The following ADCY5 variants were observed in gnomAD, a reference collection of about 807,000 sequenced individuals.
The protein encoded by ADCY5 is adenylate cyclase type 5.
ADCY5 carries 30 observed loss-of-function variants against 119.7 expected under a neutral mutation model. That is an observed-to-expected ratio of 0.25 (90% CI 0.19 to 0.34). The LOEUF (loss-of-function observed/expected upper bound fraction) is 0.34. ADCY5 is among the 10% of genes least tolerant of loss of function. The probability of loss-of-function intolerance (pLI) is 1.00; values close to 1 mark genes in which losing one functional copy is unlikely to be tolerated. For synonymous variants in ADCY5, 753 were observed against 762.2 expected, an observed-to-expected ratio of 0.99 and a Z score of 0.20; for missense variants, 1,324 against 1,775.2, an observed-to-expected ratio of 0.75 and a Z score of 4.57.
At chr3:123,436,814 T>C (rs1340687064) in intron 1 of ADCY5, among the ~76,000 whole-genome samples, 3 of 152,210 alleles carry the variant, frequency 2.0e-5, no homozygotes, top group Non-Finnish European at 4.4e-5. Context: ...GCACATGCTA[T>C]CAAATGGAAG....
chr3:123,342,840 C>A (rs1221506415), intron 3 of ADCY5, among the ~76,000 whole-genome samples: 8 of 152,310 alleles, frequency 5.3e-5, no homozygotes, highest in Admixed American at 5.2e-4. Flanking sequence ...CGTTCTCTGG[C>A]CCCTGAAACC....
chr3:123,296,268 G>T, intron 16 of ADCY5, 52 bp from the exon 17 acceptor site: 1 of 1,586,514 alleles, frequency 6.3e-7, no homozygotes, highest in Non-Finnish European at 8.6e-7. Context: ...CTCACAGCGG[G>T]CTCTGAGGAC....
Position 123,296,132 on chromosome 3 carries a change from G to T in ADCY5, c.3015C>A (p.Ala1005=), listed in dbSNP as rs113525130. Residue 1005 remains alanine, a synonymous_variant, in exon 17 of 21, where the codon GCC becomes GCA. Transcript: ENST00000462833. ...GGCGGGCAGTGGACTCCACCTGCTG[G>T]GCGTGCAGGTACAGGGCCAGCACAA... ...SVFVLALYLH[A]QQVESTARLD... 2.5e-3 allele frequency: 4,104 copies of T among 1,614,024 alleles called. 81 individuals are homozygous for T. The African/African-American group carries it at 0.045, about 18-fold the overall frequency.
At chr3:123,417,253 T>C (rs1310772521) in intron 1 of ADCY5, among the ~76,000 whole-genome samples, 6 of 152,104 alleles carry the variant, frequency 3.9e-5, no homozygotes, top group Non-Finnish European at 4.4e-5. Context: ...CACCATGTGA[T>C]CCAGGGCAGG....
chr3:123,420,232 G>C (rs979000315), intron 1 of ADCY5: 1 of 152,312 alleles, frequency 6.6e-6, no homozygotes, highest in African/African-American at 2.4e-5. Flanking sequence ...GGCCACAGCA[G>C]CTTAATGAAG....
At chr3:123,300,387 T>G (rs1484665090) in intron 14 of ADCY5, 92 bp from the exon 15 acceptor site, 1 of 1,407,136 alleles carries the variant, frequency 7.1e-7, no homozygotes, top group African/African-American at 1.4e-5. Context: ...CTGGCTCAAG[T>G]GAGGCCTGGG....
chr3:123,324,001 C>A (rs1042297674), intron 8 of ADCY5, among the ~76,000 whole-genome samples: 11 of 152,072 alleles, frequency 7.2e-5, no homozygotes, highest in African/African-American at 2.7e-4. Flanking sequence ...AGGGTGGTGG[C>A]TGGAGCCCTT....
At chr3:123,361,048 T>C (rs1943228688) in intron 1 of ADCY5, among the ~76,000 whole-genome samples, 1 of 152,216 alleles carries the variant, frequency 6.6e-6, no homozygotes, top group Admixed American at 6.5e-5. Context: ...CTGTTATTTA[T>C]CCCAACCTAA....
intron 1 of ADCY5, among the ~76,000 whole-genome samples, chr3:123,398,459 C>A (rs755687021): frequency 9.9e-5 from 15 of 151,910 alleles, no homozygotes; most frequent in Non-Finnish European, 1.8e-4. Flanking sequence ...TAATGTCTGA[C>A]CATTTATGAT....
At chr3:123,285,637 G>T (rs950015367) in intron 20 of ADCY5, among the ~76,000 whole-genome samples, 1 of 152,246 alleles carries the variant, frequency 6.6e-6, no homozygotes, top group Non-Finnish European at 1.5e-5. Context: ...TGCAGTTCCT[G>T]TGTGGTGCAG....
chr3:123,420,367 G>A (rs1945278173), intron 1 of ADCY5: 1 of 152,254 alleles, frequency 6.6e-6, no homozygotes, highest in Admixed American at 6.5e-5. Context: ...GGGTAGAGAT[G>A]CTCAGGCCAA....
At chr3:123,349,332 C>T (rs1164085035) in intron 2 of ADCY5, among the ~76,000 whole-genome samples, 3 of 152,224 alleles carry the variant, frequency 2.0e-5, no homozygotes, top group East Asian at 3.9e-4. Flanking sequence ...CCTTTCCCCT[C>T]AGCCGCAGGA....
At chr3:123,438,683 G>A (rs1945668741) in intron 1 of ADCY5, among the ~76,000 whole-genome samples, 3 of 152,194 alleles carry the variant, frequency 2.0e-5, no homozygotes, top group Non-Finnish European at 4.4e-5. Flanking sequence ...TCCTCAAAGT[G>A]CAAGCGTAGT....
chr3:123,382,500 C>T (rs1236296789), intron 1 of ADCY5, among the ~76,000 whole-genome samples: 3 of 152,008 alleles, frequency 2.0e-5, no homozygotes, highest in Admixed American at 6.6e-5. Flanking sequence ...TTCACAACAG[C>T]CAAAAGATGG....
intron 12 of ADCY5, among the ~76,000 whole-genome samples, chr3:123,309,159 G>A (rs150561649): frequency 2.0e-5 from 3 of 152,312 alleles, no homozygotes; most frequent in South Asian, 2.1e-4. Context: ...CAGGTACATC[G>A]AAGACCTCCC....
chr3:123,293,574 G>A (rs1240347943), intron 17 of ADCY5, among the ~76,000 whole-genome samples: 3 of 151,786 alleles, frequency 2.0e-5, no homozygotes, highest in Non-Finnish European at 4.4e-5. Context: ...TGTGCACACA[G>A]GTGAGGAGGG....
intron 1 of ADCY5, among the ~76,000 whole-genome samples, chr3:123,443,363 A>T (rs1194342645): frequency 6.6e-6 from 1 of 152,176 alleles, no homozygotes; most frequent in East Asian, 1.9e-4. Flanking sequence ...GCCAAGAATA[A>T]ACAGGACAGG....
At chr3:123,360,467 G>A (rs535323450) in intron 1 of ADCY5, among the ~76,000 whole-genome samples, 55 of 152,040 alleles carry the variant, frequency 3.6e-4, no homozygotes, top group Non-Finnish European at 1.9e-4. Flanking sequence ...ATCCTCAAAT[G>A]AGACCCTTAA....
In ADCY5 at chr3:123,319,797, G is replaced by T; in HGVS notation, c.2133C>A (p.Asn711Lys). The T allele has an allele frequency of 1.9e-6, 3 of 1,614,200 alleles. No homozygotes were observed. The highest frequency in any genetic ancestry group is 2.7e-5 in the African/African-American group (2 of 75,080). The change falls in exon 10 of 21, where the codon AAC (asparagine) becomes AAA (lysine). Residue 711 changes from asparagine to lysine, a missense_variant. Physicochemically the swap from Asn to Lys is moderately conservative, Grantham distance 94 (BLOSUM62 0). This residue lies in a region of ADCY5 where 424 missense variants were observed against 546.8 expected (regional missense o/e 0.78). Coordinates refer to ENST00000462833, the MANE Select transcript of ADCY5 (RefSeq NM_183357.3). ...GAAACTCATCCACTTCATCCTCAGG[G>T]TTCGCACTCTCCTGGGCGTTCCTGG... ...PKDKNAQESA[N>K]PEDEVDEFLG...
Sources: allele counts gnomAD v4.1 joint callset (sites outside exome capture counted in the v4.1 genomes callset), GRCh38; gene constraint gnomAD v4.1.1; regional missense constraint gnomAD v4.1.1; transcripts MANE v1.5; gene names NCBI Gene and HGNC (gene_info 2026-07-23, HGNC 2026-07-21).